ARFGEF3: variants seen among roughly 807,000 people sequenced by gnomAD.
ARFGEF3 encodes the protein brefeldin A-inhibited guanine nucleotide-exchange protein 3.
A neutral mutation model predicts 221.7 loss-of-function variants in ARFGEF3; 96 were observed. The observed-to-expected ratio is 0.43, with a 90% confidence interval of 0.37 to 0.51. The LOEUF is 0.51. Ranked by LOEUF, ARFGEF3 falls within the 20% of genes least tolerant of loss-of-function variation. The pLI, the probability that ARFGEF3 is intolerant of heterozygous loss-of-function variation, is 0.00. For missense variants in ARFGEF3, 2,410 were observed against 2,789.9 expected, an observed-to-expected ratio of 0.86 and a Z score of 3.07; for synonymous variants, 1,145 against 1,126.8, an observed-to-expected ratio of 1.02 and a Z score of -0.32.
rs117002552 is a variant in ARFGEF3 at position 138,305,767 on chromosome 6, T to A, written c.3829-1486T>A. 5.8e-3 allele frequency among the ~76,000 whole-genome samples: 884 copies of A among 152,306 alleles called. 6 individuals carry two copies. Among genetic ancestry groups the A allele is most frequent in the East Asian group, 0.038 (198 of 5,188 alleles). On this transcript the variant is annotated intron_variant, in intron 22 of 33. Coordinates refer to ENST00000251691, the MANE Select transcript of ARFGEF3 (RefSeq NM_020340.5). ...CTAAAAGATTAAAACCACGCAATCA[T>A]CTTAATAGATATAGACAAAACATTT...
intron 20 of ARFGEF3, 51 bp downstream of exon 20, chr6:138,294,177 C>A: frequency 1.3e-6 from 2 of 1,584,814 alleles, no homozygotes; most frequent in Non-Finnish European, 1.7e-6. Flanking sequence ...CAGGAAACAG[C>A]CCAGGCCTCT....
intron 2 of ARFGEF3, among the ~76,000 whole-genome samples, chr6:138,185,103 C>A (rs991355632): frequency 2.0e-5 from 3 of 152,194 alleles, no homozygotes; most frequent in Non-Finnish European, 2.9e-5. Context: ...TCCAAGGAGG[C>A]TGGCCACGGG....
chr6:138,337,319 G>GAAAGGAAAGGAAAGAAGAAAA lies in ARFGEF3; in HGVS notation c.*834_*854dup, dbSNP rs1348189959. The GAAAGGAAAGGAAAGAAGAAAA allele has an allele frequency of 1.3e-5, 2 of 152,752 alleles. No homozygotes were observed. The highest frequency in any genetic ancestry group is 4.8e-5 in the African/African-American group (2 of 41,580). The allele number at this position is 152,752 out of a possible 1,614,324, so 9.5% of individuals were successfully genotyped here. A position where few individuals can be genotyped will look rare whatever the true frequency, so the allele number is the denominator to read the frequency against. ...TGTTTCCATCCCCAAGGCAAACAAG[G>GAAAGGAAAGGAAAGAAGAAAA]AAAGGAAAGGAAAGAAGAAAAGGTG... On this transcript the variant is annotated 3_prime_UTR_variant, in exon 34 of 34. Transcript: ENST00000251691.
At chr6:138,299,198 T>TTA (rs1779581671) in intron 22 of ARFGEF3, among the ~76,000 whole-genome samples, 1 of 39,424 alleles carries the variant, frequency 2.5e-5, no homozygotes, top group African/African-American at 6.4e-5. Flanking sequence ...CGAGACTCTG[T>TTA]AAAAAAAAAA....
At chr6:138,213,387 G>C (rs931026008) in intron 4 of ARFGEF3, among the ~76,000 whole-genome samples, 1 of 151,050 alleles carries the variant, frequency 6.6e-6, no homozygotes, top group African/African-American at 2.4e-5. Flanking sequence ...GAACCTAGGA[G>C]GCAGATGTTG....
At chr6:138,288,524 C>T (rs1456099191) in intron 17 of ARFGEF3, among the ~76,000 whole-genome samples, 1 of 151,858 alleles carries the variant, frequency 6.6e-6, no homozygotes, top group African/African-American at 2.4e-5. Context: ...CCCGTCTCTA[C>T]TAAAAAATAC....
At chr6:138,250,953 G>A (rs547655720) in intron 8 of ARFGEF3, among the ~76,000 whole-genome samples, 20 of 152,268 alleles carry the variant, frequency 1.3e-4, no homozygotes, top group African/African-American at 3.9e-4. Flanking sequence ...GCTTTTACAC[G>A]CATACATGCT....
At chr6:138,287,933 G>A (rs1183369194) in intron 17 of ARFGEF3, among the ~76,000 whole-genome samples, 3 of 151,918 alleles carry the variant, frequency 2.0e-5, no homozygotes, top group Non-Finnish European at 2.9e-5. Flanking sequence ...AAACAAAATC[G>A]CTCTCACAGA....
rs113465031 is a variant in ARFGEF3, at chr6:138,308,975, A to G, written c.4096+114A>G. ...CTGGAACAAGCACGCATCCTGGGGT[A>G]CAAGCAGATGGTGGTGTTGTGTACT... On this transcript the variant is annotated intron_variant, in intron 24 of 33. Transcript: ENST00000251691. The G allele has an allele frequency of 1.2e-4, 148 of 1,265,812 alleles. 1 individual carries two copies. In the African/African-American group the frequency reaches 1.8e-3, roughly 15 times the overall value. The allele number at this position is 1,265,812 out of a possible 1,614,324, so 78.4% of individuals were successfully genotyped here.
In ARFGEF3 at chr6:138,323,949, C is replaced by T. The variant is rs538188142; in HGVS notation, c.4870-74C>T. 51 of 1,579,682 alleles carry T rather than the reference C, an allele frequency of 3.2e-5. No homozygotes were observed. The South Asian group carries it at 4.2e-4, about 13-fold the overall frequency. On this transcript the variant is annotated intron_variant, in intron 30 of 33. Transcript: ENST00000251691. ...AGTACTTTTGTCTCAGACACAGTGACGATCTCAGATCCAAGACTGAGCCCG... is the reference window on the plus strand; with the variant it reads ...AGTACTTTTGTCTCAGACACAGTGATGATCTCAGATCCAAGACTGAGCCCG...
chr6:138,189,889 G>A (rs543264984), intron 2 of ARFGEF3, among the ~76,000 whole-genome samples: 2 of 151,960 alleles, frequency 1.3e-5, no homozygotes, highest in East Asian at 3.9e-4. Context: ...AGACCAGCTG[G>A]GCAACATTGC....
chr6:138,294,263 G>C, intron 20 of ARFGEF3, 137 bp downstream of exon 20: 1 of 934,652 alleles, frequency 1.1e-6, no homozygotes, highest in Non-Finnish European at 1.6e-6. Context: ...CCCAAGTATA[G>C]ATTTGTCTCC....
At chr6:138,322,243 T>TAC (rs1409791808) in intron 29 of ARFGEF3, among the ~76,000 whole-genome samples, 1 of 152,172 alleles carries the variant, frequency 6.6e-6, no homozygotes, top group Non-Finnish European at 1.5e-5. Context: ...GGACTGTACT[T>TAC]ACATCTCCCC....
Position 138,336,372 on chromosome 6 carries a change from C to T in ARFGEF3, c.6420C>T (p.Pro2140=), listed in dbSNP as rs755503656. 3.0e-5 allele frequency: 49 copies of T among 1,612,914 alleles called. No individual in the cohort carries two copies. The highest frequency in any genetic ancestry group is 3.9e-5 in the Non-Finnish European group (46 of 1,179,554). The stretch of plus-strand genomic sequence containing the variant: ...ACCAGACCTTCACGGCCCTCCAGCC[C>T]GCAGTGTTCCCGTGCATCAGTCAGC... ...LPDQTFTALQ[P]AVFPCISQLT... The change falls in exon 34 of 34, where the codon CCC becomes CCT. Residue 2140 remains proline, a synonymous_variant. Coordinates refer to ENST00000251691, the MANE Select transcript of ARFGEF3 (RefSeq NM_020340.5).
Position 138,280,133 on chromosome 6 carries a change from T to C in ARFGEF3, c.2430T>C (p.Asp810=), listed in dbSNP as rs776267387. Residue 810 remains aspartate, a synonymous_variant, in exon 14 of 34, where the codon GAT becomes GAC. Coordinates refer to ENST00000251691, the MANE Select transcript of ARFGEF3 (RefSeq NM_020340.5). ...GEAGYWGSPE[D]NSLPLITMLT... ...CTGGCTATTGGGGCAGCCCAGAAGA[T>C]AACAGCCTTCCCCTCATCACAATGC... 16 of 1,613,702 alleles carry C rather than the reference T, an allele frequency of 9.9e-6. No individual in the cohort carries two copies. Among genetic ancestry groups the C allele is most frequent in the Non-Finnish European group, 1.3e-5 (15 of 1,179,764 alleles).
chr6:138,324,384 T>C (rs1475082699), intron 31 of ARFGEF3, among the ~76,000 whole-genome samples: 1 of 152,188 alleles, frequency 6.6e-6, no homozygotes, highest in African/African-American at 2.4e-5. Context: ...AGTGCCCAGA[T>C]CAAATAGAAC....
In ARFGEF3 at chr6:138,188,726, G is replaced by A. The variant is rs527690092; in HGVS notation, c.137+18013G>A. ...AACATTTATCCTGAGAAACAGTCTT[G>A]TCTTCACATCACATAGTGCCAGACC... On this transcript the variant is annotated intron_variant, in intron 2 of 33. Transcript: ENST00000251691. Among the ~76,000 whole-genome samples the A allele has an allele frequency of 2.0e-5, 3 of 152,348 alleles. No individual in the cohort carries two copies. The East Asian group carries it at 5.8e-4, about 29-fold the overall frequency.
At chr6:138,289,714 C>G (rs1000171293) in intron 17 of ARFGEF3, 104 bp from the exon 18 acceptor site, 5 of 1,254,114 alleles carry the variant, frequency 4.0e-6, no homozygotes, top group Non-Finnish European at 4.5e-6. Context: ...CCACTGAAGT[C>G]TGTCCTTTCC....
chr6:138,286,492 G>T (rs1445539115), intron 15 of ARFGEF3, among the ~76,000 whole-genome samples: 1 of 151,640 alleles, frequency 6.6e-6, no homozygotes, highest in African/African-American at 2.4e-5. Context: ...ATTGATGGAA[G>T]TTACTTAGCA....
Sources: gnomAD v4.1 joint callset for allele counts (sites outside exome capture counted in the v4.1 genomes callset) on GRCh38, gnomAD v4.1.1 for gene constraint, MANE v1.5 for transcripts, NCBI Gene and HGNC (gene_info 2026-07-23, HGNC 2026-07-21) for gene names.